Variants in SYCE1L observed in about 807,000 individuals in gnomAD.
SYCE1L encodes synaptonemal complex central element protein 1 like.
Under a neutral mutation model 39.6 loss-of-function variants are expected in SYCE1L, and 51 were observed. The observed-to-expected ratio is 1.29, with a 90% CI of 1.03 to 1.63. SYCE1L has a LOEUF of 1.63. Ranked by LOEUF, SYCE1L falls within the 40% of genes most tolerant of loss-of-function variation. The pLI is 0.00. For synonymous variants in SYCE1L, 147 were observed against 122.4 expected, an observed-to-expected ratio of 1.20 and a Z score of -1.33; for missense variants, 426 against 304.9, an observed-to-expected ratio of 1.40 and a Z score of -2.96.
intron 3 of SYCE1L, 85 bp from the exon 4 acceptor site, chr16:77,208,380 G>A: frequency 6.5e-7 from 1 of 1,542,262 alleles, no homozygotes; most frequent in Non-Finnish European, 8.8e-7. Flanking sequence ...GTTGTTTGAA[G>A]ATGACTGTGC....
chr16:77,204,896 T>C (rs758058332), intron 1 of SYCE1L, among the ~76,000 whole-genome samples: 2 of 151,680 alleles, frequency 1.3e-5, no homozygotes, highest in Non-Finnish European at 2.9e-5. Context: ...ATACAAAAAA[T>C]TAACCAGGTG....
rs545480336 is a variant in SYCE1L, at chr16:77,207,426, A to G, written c.122-784A>G. On this transcript the variant is annotated intron_variant, in intron 2 of 10. Transcript: ENST00000378644. ...GAGCACTGAAACAGGGGCTATGAGA[A>G]GTTAGAGGTGATTCCCTAAAGGGAT... is the stretch of plus-strand genomic sequence containing the variant. Among the ~76,000 whole-genome samples the G allele has an allele frequency of 2.0e-4, 31 of 152,286 alleles. 1 individual carries two copies. The highest frequency in any genetic ancestry group is 3.8e-4 in the Non-Finnish European group (26 of 68,020).
intron 3 of SYCE1L, 23 bp downstream of exon 3, chr16:77,208,292 G>A: frequency 6.4e-7 from 1 of 1,550,894 alleles, no homozygotes; most frequent in Non-Finnish European, 8.7e-7. Context: ...ACTTAGACTG[G>A]CCAGCTGGGG....
At chr16:77,205,689 C>T (rs2054781392) in intron 1 of SYCE1L, among the ~76,000 whole-genome samples, 1 of 151,984 alleles carries the variant, frequency 6.6e-6, no homozygotes, top group African/African-American at 2.4e-5. Flanking sequence ...TTTTCCTGCC[C>T]TTTGTATTTC....
intron 1 of SYCE1L, among the ~76,000 whole-genome samples, chr16:77,203,664 G>A (rs917175715): frequency 2.9e-5 from 4 of 139,672 alleles, no homozygotes; most frequent in African/African-American, 5.3e-5. Flanking sequence ...GTGCCATCTC[G>A]GCTCACCGCA....
chr16:77,206,444 A>G lies in SYCE1L; in HGVS notation c.65A>G (p.Gln22Arg). 6.4e-6 allele frequency: 10 copies of G among 1,551,584 alleles called. No individual in the cohort carries two copies. The highest frequency in any genetic ancestry group is 7.0e-6 in the Non-Finnish European group (8 of 1,146,978). The change falls in exon 2 of 11, where the codon CAA (glutamine) becomes CGA (arginine). Residue 22 changes from glutamine to arginine, a missense_variant. Physicochemically the swap from Gln to Arg is conservative, Grantham distance 43. Coordinates refer to ENST00000378644, the MANE Select transcript of SYCE1L (RefSeq NM_001129979.3). ...ATTTTGATTTTCCTTTCTACAGGGCAAGCCAAGTCTTTGAAGACTGAAGAC... is the reference window on the plus strand; with the variant it reads ...ATTTTGATTTTCCTTTCTACAGGGCGAGCCAAGTCTTTGAAGACTGAAGAC... The part of the protein sequence containing the change: ...APEATEEAEG[Q>R]AKSLKTEDLL...
intron 1 of SYCE1L, chr16:77,200,248 G>GTGTA (rs1567422956): frequency 1.1e-5 from 1 of 88,990 alleles, no homozygotes; most frequent in African/African-American, 5.2e-5. Context: ...ATATATATAT[G>GTGTA]TATATGTGTA....
Position 77,203,018 on chromosome 16 carries a change from A to T in SYCE1L, c.62-3423A>T, listed in dbSNP as rs139255725. ...TAAGAATATTTTTAAAATTAAAAAA[A>T]TCTCAGGCAGGGACATGCCAACTTG... On this transcript the variant is annotated intron_variant, in intron 1 of 10. Coordinates refer to ENST00000378644, the MANE Select transcript of SYCE1L (RefSeq NM_001129979.3). 1.8e-3 allele frequency among the ~76,000 whole-genome samples: 257 copies of T among 144,774 alleles called. 4 individuals carry two copies. In the East Asian group the frequency reaches 0.053, roughly 30 times the overall value. The allele number at this position is 144,774 out of a possible 152,430, so 95.0% of individuals were successfully genotyped here.
intron 5 of SYCE1L, 120 bp downstream of exon 5, chr16:77,209,264 C>G (rs1429680779): frequency 3.7e-6 from 5 of 1,346,710 alleles, no homozygotes; most frequent in Non-Finnish European, 5.2e-6. Flanking sequence ...CCTCTCTGCA[C>G]AGATCTCTTC....
At chr16:77,206,608 A>G in intron 2 of SYCE1L, 108 bp downstream of exon 2, 2 of 1,043,412 alleles carry the variant, frequency 1.9e-6, no homozygotes, top group Non-Finnish European at 2.9e-6. Flanking sequence ...ATCCCATTGC[A>G]CTTTCTCCCT....
In SYCE1L at chr16:77,211,218, A is replaced by G; in HGVS notation, c.365A>G (p.Asp122Gly). 6.4e-7 allele frequency: 1 copy of G among 1,551,906 alleles called. No individual in the cohort carries two copies. Among genetic ancestry groups the G allele is most frequent in the South Asian group, 1.2e-5 (1 of 84,056 alleles). ...QEKESEAQRLDVRGQLEDLMG... is the reference protein window; with the variant it reads ...QEKESEAQRLGVRGQLEDLMG... The stretch of plus-strand genomic sequence containing the variant: ...TCCTGGGTGTCGGCCTCCAGGTTGG[A>G]TGTCAGAGGACAGCTGGAGGATCTG... The change falls in exon 7 of 11, where the codon GAT becomes GGT. Residue 122 changes from aspartate to glycine, a missense_variant. Physicochemically the swap from Asp to Gly is moderately conservative, Grantham distance 94. Transcript: ENST00000378644.
chr16:77,206,345 A>C, intron 1 of SYCE1L, 96 bp from the exon 2 acceptor site: 1 of 1,075,768 alleles, frequency 9.3e-7, no homozygotes, highest in Non-Finnish European at 1.4e-6. Context: ...GCCCCAGCCC[A>C]CGGGTGTCTG....
intron 4 of SYCE1L, among the ~76,000 whole-genome samples, 158 bp downstream of exon 4, chr16:77,208,697 A>G (rs1329611445): frequency 6.6e-6 from 1 of 152,134 alleles, no homozygotes; most frequent in East Asian, 1.9e-4. Context: ...TCTCAGCTCA[A>G]ATTTCACCCT....
chr16:77,205,669 A>T (rs77442117), intron 1 of SYCE1L, among the ~76,000 whole-genome samples: 2,451 of 152,088 alleles, frequency 0.016, 61 homozygotes, highest in African/African-American at 0.057. Context: ...CAGTGGTGTC[A>T]TTTAATGTGT....
chr16:77,212,937 C>A lies in SYCE1L; in HGVS notation c.*6C>A. The A allele has an allele frequency of 6.6e-7, 1 of 1,508,648 alleles. No individual in the cohort carries two copies. Among genetic ancestry groups the A allele is most frequent in the East Asian group, 2.5e-5 (1 of 39,584 alleles). The allele number at this position is 1,508,648 out of a possible 1,614,324, so 93.5% of individuals were successfully genotyped here. A position where few individuals can be genotyped will look rare whatever the true frequency, so the allele number is the denominator to read the frequency against. On this transcript the variant is annotated 3_prime_UTR_variant, in exon 11 of 11. Coordinates refer to ENST00000378644, the MANE Select transcript of SYCE1L (RefSeq NM_001129979.3). The stretch of plus-strand genomic sequence containing the variant: ...CTGCCCCTGACGCCCTCTAGGCCAG[C>A]AGGACCCGCCCGTTCCCGACCTTCC...
intron 7 of SYCE1L, among the ~76,000 whole-genome samples, chr16:77,211,818 G>A (rs1056294722): frequency 3.3e-5 from 5 of 152,224 alleles, no homozygotes; most frequent in African/African-American, 1.2e-4. Context: ...AGCCGTGCAG[G>A]TATCGGTGCA....
chr16:77,212,408 G>T, intron 9 of SYCE1L, 39 bp downstream of exon 9: 1 of 1,530,122 alleles, frequency 6.5e-7, no homozygotes, highest in Non-Finnish European at 8.8e-7. Flanking sequence ...GAGGGCAGGG[G>T]CAGGGCGGAG....
chr16:77,205,056 A>AAAAAAAGCAAAG (rs1471925292), intron 1 of SYCE1L, among the ~76,000 whole-genome samples: 1 of 140,668 alleles, frequency 7.1e-6, no homozygotes, highest in East Asian at 2.2e-4. Context: ...AAAAAAAAAA[A>AAAAAAAGCAAAG]AAAAGAAAAG....
intron 2 of SYCE1L, among the ~76,000 whole-genome samples, chr16:77,207,468 C>A (rs1597384167): frequency 6.6e-6 from 1 of 152,224 alleles, no homozygotes; most frequent in African/African-American, 2.4e-5. Context: ...CACCCTGTCA[C>A]TGGGAAACTT....
Sources: gnomAD v4.1 joint callset for allele counts (sites outside exome capture counted in the v4.1 genomes callset) on GRCh38, gnomAD v4.1.1 for gene constraint, MANE v1.5 for transcripts, NCBI Gene and HGNC (gene_info 2026-07-23, HGNC 2026-07-21) for gene names.